Variants in MACROD2 observed in about 807,000 individuals in gnomAD.
MACROD2 encodes the protein mono-ADP ribosylhydrolase 2.
MACROD2 carries 36 observed loss-of-function variants against 70.4 expected under a neutral mutation model. That is an observed-to-expected ratio of 0.51 (90% CI 0.39 to 0.68). The LOEUF (loss-of-function observed/expected upper bound fraction) is 0.68. Ranked by LOEUF, MACROD2 falls within the 30% of genes least tolerant of loss-of-function variation. The probability of loss-of-function intolerance (pLI) is 0.00; values close to 1 mark genes in which losing one functional copy is unlikely to be tolerated. For synonymous variants in MACROD2, 172 were observed against 178.8 expected, an observed-to-expected ratio of 0.96 and a Z score of 0.30; for missense variants, 496 against 538.4, an observed-to-expected ratio of 0.92 and a Z score of 0.78.
At chr20:15,437,021 A>T (rs1324434814) in intron 7 of MACROD2, among the ~76,000 whole-genome samples, 2 of 152,178 alleles carry the variant, frequency 1.3e-5, no homozygotes, top group Admixed American at 6.6e-5. Flanking sequence ...CCTAGCCTGA[A>T]CAATGGGCAC....
chr20:15,370,786 A>C (rs868299896), intron 6 of MACROD2, among the ~76,000 whole-genome samples: 1 of 152,054 alleles, frequency 6.6e-6, no homozygotes, highest in South Asian at 2.1e-4. Context: ...AGATTTTTTT[A>C]ACTATGAATA....
chr20:14,862,017 A>ATTT (rs1375623477), intron 5 of MACROD2, among the ~76,000 whole-genome samples: 1 of 14,718 alleles, frequency 6.8e-5, no homozygotes, highest in African/African-American at 1.7e-4. Flanking sequence ...ATATATATAT[A>ATTT]TTTATATATA....
intron 7 of MACROD2, among the ~76,000 whole-genome samples, chr20:15,489,163 A>G (rs4814384): frequency 0.81 from 122,916 of 152,154 alleles, 49,929 homozygotes; most frequent in East Asian, 0.94. Context: ...TCAAGACCAA[A>G]GCTGAATATA....
chr20:14,628,995 T>C (rs1370269069), intron 4 of MACROD2: 1 of 152,204 alleles, frequency 6.6e-6, no homozygotes, highest in Admixed American at 6.5e-5. Context: ...ATTAGACACA[T>C]TATATTTATT....
At chr20:14,813,488 A>G (rs116310940) in intron 5 of MACROD2, among the ~76,000 whole-genome samples, 29 of 152,236 alleles carry the variant, frequency 1.9e-4, no homozygotes, top group African/African-American at 6.7e-4. Flanking sequence ...TTTGCTGAGG[A>G]TAATGGCTTC....
In MACROD2 at chr20:14,463,230, C is replaced by A. The variant is rs999677530; in HGVS notation, c.272-30249C>A. The stretch of plus-strand genomic sequence containing the variant: ...TTTCATTGAGCAGTGGTTTGTAGTT[C>A]TCCTTGAAGAGGTCCTTCACATCCC... On this transcript the variant is annotated intron_variant, in intron 3 of 17. Coordinates refer to ENST00000684519, the MANE Select transcript of MACROD2 (RefSeq NM_001351661.2). 1.6e-4 allele frequency among the ~76,000 whole-genome samples: 24 copies of A among 152,072 alleles called. No individual in the cohort carries two copies. The East Asian group carries it at 4.4e-3, about 28-fold the overall frequency.
At chr20:15,971,843 T>C (rs1481701096) in intron 13 of MACROD2, among the ~76,000 whole-genome samples, 2 of 152,016 alleles carry the variant, frequency 1.3e-5, no homozygotes, top group Non-Finnish European at 2.9e-5. Flanking sequence ...TTCATAGTTC[T>C]TGACAGGAAG....
intron 2 of MACROD2, among the ~76,000 whole-genome samples, chr20:14,063,237 A>G (rs867308764): frequency 6.6e-6 from 1 of 152,194 alleles, no homozygotes; most frequent in Non-Finnish European, 1.5e-5. Context: ...ATTGTAACAA[A>G]GAGATTTACT....
intron 7 of MACROD2, among the ~76,000 whole-genome samples, chr20:15,482,116 C>T (rs912291497): frequency 2.0e-5 from 3 of 152,182 alleles, no homozygotes; most frequent in Non-Finnish European, 4.4e-5. Flanking sequence ...TCTCTGTTCT[C>T]TTGAAACTGC....
intron 5 of MACROD2, among the ~76,000 whole-genome samples, chr20:15,006,614 T>TA (rs2075040115): frequency 6.6e-6 from 1 of 152,170 alleles, no homozygotes; most frequent in African/African-American, 2.4e-5. Flanking sequence ...CATATATATA[T>TA]TTTTTATTTA....
intron 6 of MACROD2, among the ~76,000 whole-genome samples, chr20:15,285,936 CA>C (rs1443390797): frequency 6.6e-6 from 1 of 151,888 alleles, no homozygotes; most frequent in African/African-American, 2.4e-5. Flanking sequence ...AATGATTAAT[CA>C]AAAAGTATCA....
At chr20:14,718,902 C>T (rs1441863163) in intron 5 of MACROD2, among the ~76,000 whole-genome samples, 1 of 152,124 alleles carries the variant, frequency 6.6e-6, no homozygotes, top group Non-Finnish European at 1.5e-5. Flanking sequence ...AAAAGGCAGC[C>T]TCCTGTATAG....
At chr20:15,433,854 A>G (rs1408325921) in intron 7 of MACROD2, among the ~76,000 whole-genome samples, 1 of 152,126 alleles carries the variant, frequency 6.6e-6, no homozygotes, top group Non-Finnish European at 1.5e-5. Context: ...AGGCACATAG[A>G]CCAACAGAAC....
intron 5 of MACROD2, among the ~76,000 whole-genome samples, chr20:15,174,115 G>A (rs887347356): frequency 6.6e-6 from 1 of 152,064 alleles, no homozygotes; most frequent in African/African-American, 2.4e-5. Flanking sequence ...TGCTTATTGT[G>A]CATTTAAATG....
chr20:14,670,971 C>G (rs1007279381), intron 4 of MACROD2, among the ~76,000 whole-genome samples: 1 of 151,856 alleles, frequency 6.6e-6, no homozygotes, highest in African/African-American at 2.4e-5. Flanking sequence ...GGAAGTAAGC[C>G]CTCTGTAATA....
chr20:15,062,467 T>G (rs565613541), intron 5 of MACROD2, among the ~76,000 whole-genome samples: 1 of 152,080 alleles, frequency 6.6e-6, no homozygotes, highest in Admixed American at 6.6e-5. Flanking sequence ...CGCCTCCATT[T>G]CCCAGCAGGA....
chr20:15,278,242 G>C (rs1267343155), intron 6 of MACROD2, among the ~76,000 whole-genome samples: 3 of 152,196 alleles, frequency 2.0e-5, no homozygotes, highest in African/African-American at 7.2e-5. Context: ...GGCAGACTTA[G>C]GGATAGGTTA....
At chr20:15,614,376 C>T (rs116269138) in intron 8 of MACROD2, among the ~76,000 whole-genome samples, 2,650 of 152,210 alleles carry the variant, frequency 0.017, 70 homozygotes, top group African/African-American at 0.055. Flanking sequence ...GCTGTGTTTC[C>T]TAGCTTCTAA....
At chr20:14,074,834 A>T (rs1395584414) in intron 2 of MACROD2, among the ~76,000 whole-genome samples, 1 of 152,178 alleles carries the variant, frequency 6.6e-6, no homozygotes, top group Non-Finnish European at 1.5e-5. Flanking sequence ...TTAGGTAGAA[A>T]ATTCCAGAAA....
Sources: gnomAD v4.1 joint callset for allele counts (sites outside exome capture counted in the v4.1 genomes callset) on GRCh38, gnomAD v4.1.1 for gene constraint, MANE v1.5 for transcripts, NCBI Gene and HGNC (gene_info 2026-07-23, HGNC 2026-07-21) for gene names.